COL28A1: variants seen among roughly 807,000 people sequenced by gnomAD.
COL28A1 encodes collagen alpha-1(XXVIII) chain.
In COL28A1, 161 loss-of-function variants were observed where a neutral mutation model predicts 150.2. That is an observed-to-expected ratio of 1.07 (90% CI 0.94 to 1.22). The LOEUF is 1.22. COL28A1 is among the 50% of genes most tolerant of loss of function. COL28A1 has a pLI of 0.00. For synonymous variants in COL28A1, 552 were observed against 469.7 expected, an observed-to-expected ratio of 1.18 and a Z score of -2.26; for missense variants, 1,617 against 1,388.3, an observed-to-expected ratio of 1.16 and a Z score of -2.62.
chr7:7,430,408 T>C (rs1784897047), intron 25 of COL28A1, among the ~76,000 whole-genome samples: 1 of 152,206 alleles, frequency 6.6e-6, no homozygotes, highest in Admixed American at 6.5e-5. Flanking sequence ...ATTACAGGCA[T>C]GAGCCACCAC....
At chr7:7,382,058 C>G (rs1395594495) in intron 27 of COL28A1, among the ~76,000 whole-genome samples, 3 of 152,036 alleles carry the variant, frequency 2.0e-5, no homozygotes, top group Non-Finnish European at 4.4e-5. Context: ...GCCTGTAATC[C>G]CAGCACTTTG....
intron 27 of COL28A1, among the ~76,000 whole-genome samples, chr7:7,412,342 G>T (rs1488110836): frequency 2.0e-5 from 3 of 152,048 alleles, no homozygotes; most frequent in South Asian, 2.1e-4. Context: ...ACACACATTG[G>T]ACGGTTATGT....
intron 34 of COL28A1, among the ~76,000 whole-genome samples, chr7:7,359,366 A>G (rs556418855): frequency 5.3e-4 from 80 of 152,248 alleles, no homozygotes; most frequent in African/African-American, 1.8e-3. Context: ...CTTGCAGGAC[A>G]CTAAAAACGT....
At chr7:7,516,916 C>T (rs1210038311) in intron 7 of COL28A1, among the ~76,000 whole-genome samples, 1 of 151,870 alleles carries the variant, frequency 6.6e-6, no homozygotes, top group Admixed American at 6.6e-5. Context: ...CAAAAGGAAA[C>T]TTCATGAAGG....
chr7:7,543,389 G>GTT, the COL28A1 span, among the ~76,000 whole-genome samples: 1 of 152,138 alleles, frequency 6.6e-6, no homozygotes, highest in Non-Finnish European at 1.5e-5. Flanking sequence ...CATTTTCTTA[G>GTT]TTTTTTTCTT....
At chr7:7,463,541 T>C (rs1339912209) in intron 15 of COL28A1, among the ~76,000 whole-genome samples, 2 of 152,132 alleles carry the variant, frequency 1.3e-5, no homozygotes, top group African/African-American at 4.8e-5. Context: ...AAAACAATTA[T>C]CAGCTAAGAA....
intron 20 of COL28A1, among the ~76,000 whole-genome samples, 184 bp downstream of exon 20, chr7:7,443,401 G>A (rs953693018): frequency 6.6e-6 from 1 of 151,596 alleles, no homozygotes; most frequent in Non-Finnish European, 1.5e-5. Context: ...TAGACGTTAG[G>A]AAAATAAAAG....
chr7:7,492,385 C>A (rs1289437762), intron 11 of COL28A1, among the ~76,000 whole-genome samples: 5 of 150,324 alleles, frequency 3.3e-5, no homozygotes, highest in African/African-American at 1.2e-4. Context: ...ACCAGCCTGG[C>A]CAACATGGTG....
intron 18 of COL28A1, among the ~76,000 whole-genome samples, chr7:7,451,181 T>C (rs141972525): frequency 1.8e-4 from 27 of 152,182 alleles, no homozygotes; most frequent in African/African-American, 6.3e-4. Context: ...GTGGAATACA[T>C]AGGTGCTCTT....
At chr7:7,490,501 G>T in intron 12 of COL28A1, 77 bp downstream of exon 12, 1 of 722,380 alleles carries the variant, frequency 1.4e-6, no homozygotes, top group Non-Finnish European at 2.4e-6. Flanking sequence ...AGGCCAAATG[G>T]AGTTCAAATC....
At position 7,478,937 on chromosome 7, in the gene COL28A1, G is replaced by A. The variant is rs187428606; in HGVS notation, c.1165-1757C>T. Among the ~76,000 whole-genome samples, 723 of 152,332 alleles carry A rather than the reference G, an allele frequency of 4.7e-3. 5 individuals carry two copies. Among genetic ancestry groups the A allele is most frequent in the East Asian group, 0.022 (115 of 5,186 alleles). ...CGTGCCTCTCCCTCCACACCTCCCC[G>A]CAGGCTGAGGGAGCCGGCTCAGCCC... On this transcript the variant is annotated intron_variant, in intron 13 of 34. Coordinates refer to ENST00000399429, the MANE Select transcript of COL28A1 (RefSeq NM_001037763.3).
chr7:7,444,034 T>G (rs1786043276), intron 19 of COL28A1, among the ~76,000 whole-genome samples: 1 of 150,122 alleles, frequency 6.7e-6, no homozygotes, highest in African/African-American at 2.5e-5. Context: ...AATGAGTATT[T>G]CAAATGTCAA....
At chr7:7,372,935 G>C (rs1321888352) in intron 32 of COL28A1, 63 bp downstream of exon 32, 1 of 1,413,836 alleles carries the variant, frequency 7.1e-7, no homozygotes, top group East Asian at 2.3e-5. Context: ...GGACAAACCA[G>C]TGATATGGTA....
intron 27 of COL28A1, among the ~76,000 whole-genome samples, chr7:7,387,359 G>T (rs577380124): frequency 4.0e-5 from 6 of 151,874 alleles, no homozygotes; most frequent in African/African-American, 1.2e-4. Flanking sequence ...CTTTACTAAA[G>T]AATAAAACAA....
At chr7:7,513,455 AG>A (rs1344363115) in intron 8 of COL28A1, among the ~76,000 whole-genome samples, 2 of 152,220 alleles carry the variant, frequency 1.3e-5, no homozygotes, top group East Asian at 3.9e-4. Flanking sequence ...AGCAGGAAAG[AG>A]GGAGGTGTGA....
intron 11 of COL28A1, among the ~76,000 whole-genome samples, chr7:7,496,535 C>G (rs1248759557): frequency 6.6e-6 from 1 of 151,020 alleles, no homozygotes; most frequent in African/African-American, 2.4e-5. Context: ...TACCAATTCA[C>G]CCAGACACAA....
chr7:7,534,263 G>T (rs969967838), intron 1 of COL28A1, among the ~76,000 whole-genome samples: 37 of 152,110 alleles, frequency 2.4e-4, no homozygotes, highest in African/African-American at 8.9e-4. Context: ...CTCAGACAAG[G>T]TATACTAAAA....
At chr7:7,493,001 T>C (rs1158825525) in intron 11 of COL28A1, among the ~76,000 whole-genome samples, 1 of 147,914 alleles carries the variant, frequency 6.8e-6, no homozygotes, top group Non-Finnish European at 1.5e-5. Flanking sequence ...ATATAATATA[T>C]ATACATATAT....
At chr7:7,432,141 G>A (rs1405101155) in intron 25 of COL28A1, among the ~76,000 whole-genome samples, 1 of 152,174 alleles carries the variant, frequency 6.6e-6, no homozygotes, top group Non-Finnish European at 1.5e-5. Context: ...TGTGGACAGT[G>A]GTTAAAGCCA....
Sources: gnomAD v4.1 joint callset for allele counts (sites outside exome capture counted in the v4.1 genomes callset) on GRCh38, gnomAD v4.1.1 for gene constraint, MANE v1.5 for transcripts, NCBI Gene and HGNC (gene_info 2026-07-23, HGNC 2026-07-21) for gene names.